The following SGIP1 variants were observed in gnomAD, a reference collection of about 807,000 sequenced individuals.
The protein encoded by SGIP1 is SH3-containing GRB2-like protein 3-interacting protein 1.
A neutral mutation model predicts 107.5 loss-of-function variants in SGIP1; 38 were observed. The ratio of observed to expected loss-of-function variants is 0.35; its 90% CI spans 0.27 to 0.46. The LOEUF (loss-of-function observed/expected upper bound fraction) is 0.46. SGIP1 is among the 20% of genes least tolerant of loss of function. SGIP1 has a pLI of 1.00. For synonymous variants in SGIP1, 365 were observed against 366.1 expected (o/e 1.00, Z 0.03); for missense variants, 929 against 1,019.5 (o/e 0.91, Z 1.21).
At chr1:66,645,574 C>T (rs2077518464) in intron 7 of SGIP1, among the ~76,000 whole-genome samples, 1 of 152,192 alleles carries the variant, frequency 6.6e-6, no homozygotes, top group African/African-American at 2.4e-5. Flanking sequence ...GGACCCTCAG[C>T]TCCCATTCCT....
chr1:66,682,763 T>G (rs1284199072), intron 15 of SGIP1, among the ~76,000 whole-genome samples: 1 of 151,704 alleles, frequency 6.6e-6, no homozygotes, highest in Non-Finnish European at 1.5e-5. Flanking sequence ...CACTAGGTTT[T>G]GTGGGCCAAT....
intron 19 of SGIP1, among the ~76,000 whole-genome samples, chr1:66,726,673 C>G (rs1326992117): frequency 6.6e-6 from 1 of 152,198 alleles, no homozygotes; most frequent in African/African-American, 2.4e-5. Flanking sequence ...GCTGAAACAA[C>G]TGGATATTCA....
intron 18 of SGIP1, among the ~76,000 whole-genome samples, chr1:66,710,507 G>A (rs933487159): frequency 6.6e-6 from 1 of 152,088 alleles, no homozygotes; most frequent in Non-Finnish European, 1.5e-5. Flanking sequence ...GGATTCTGAA[G>A]ACAAGCAGAG....
At chr1:66,701,315 C>T (rs1235419001) in intron 18 of SGIP1, among the ~76,000 whole-genome samples, 1 of 152,100 alleles carries the variant, frequency 6.6e-6, no homozygotes, top group Non-Finnish European at 1.5e-5. Context: ...TAGCACTTAC[C>T]CCACTGAAGG....
chr1:66,584,712 A>G (rs945836194), intron 1 of SGIP1, among the ~76,000 whole-genome samples: 2 of 152,182 alleles, frequency 1.3e-5, no homozygotes, highest in Admixed American at 1.3e-4. Flanking sequence ...ACTATGTTTA[A>G]TTAACAGAGA....
intron 1 of SGIP1, among the ~76,000 whole-genome samples, chr1:66,534,591 T>C (rs1247379581): frequency 6.6e-6 from 1 of 152,180 alleles, no homozygotes; most frequent in Non-Finnish European, 1.5e-5. Context: ...TCCCAGCTCC[T>C]TTGAGAGAGA....
chr1:66,739,400 A>C lies in SGIP1; in HGVS notation c.2097A>C (p.Ser699=), dbSNP rs764832312. ...CAGTGAATTGGCGATGTGAGCCTTC[A>C]AGCACTGACCTGCGCATAGATTACA... ...NLAVNWRCEP[S]STDLRIDYKY... The change falls in exon 22 of 25, where the codon TCA becomes TCC. Residue 699 remains serine, a synonymous_variant. Coordinates refer to ENST00000371037, the MANE Select transcript of SGIP1 (RefSeq NM_032291.4). 1.9e-6 allele frequency: 3 copies of C among 1,612,488 alleles called. No individual in the cohort carries two copies. The Admixed American group carries it at 5.0e-5, about 27-fold the overall frequency.
At chr1:66,549,935 G>A (rs1466583009) in intron 1 of SGIP1, among the ~76,000 whole-genome samples, 1 of 152,050 alleles carries the variant, frequency 6.6e-6, no homozygotes, top group African/African-American at 2.4e-5. Flanking sequence ...CATCACAACT[G>A]CCCTGTTGCT....
At chr1:66,542,296 A>G (rs1464905159) in intron 1 of SGIP1, among the ~76,000 whole-genome samples, 2 of 152,184 alleles carry the variant, frequency 1.3e-5, no homozygotes, top group African/African-American at 4.8e-5. Flanking sequence ...AACGAATAAT[A>G]AAATTTAGAA....
chr1:66,748,551 C>G lies in SGIP1; in HGVS notation c.*5456C>G, dbSNP rs2094583945. Reference sequence around the variant, plus strand: ...TTGACCATGGGTATAATAATTTATTCTCTAGGTTTAACTTCTAAAATTATT... The same window carrying G: ...TTGACCATGGGTATAATAATTTATTGTCTAGGTTTAACTTCTAAAATTATT... On this transcript the variant is annotated 3_prime_UTR_variant, in exon 25 of 25. Coordinates refer to ENST00000371037, the MANE Select transcript of SGIP1 (RefSeq NM_032291.4). Among the ~76,000 whole-genome samples, 1 of 151,906 alleles carries G rather than the reference C, an allele frequency of 6.6e-6. No individual in the cohort carries two copies. Among genetic ancestry groups the G allele is most frequent in the Non-Finnish European group, 1.5e-5 (1 of 67,834 alleles).
At position 66,681,816 on chromosome 1, in the gene SGIP1, C is replaced by T. The variant is rs1291425524; in HGVS notation, c.815-53C>T. 3.9e-6 allele frequency: 6 copies of T among 1,550,040 alleles called. No homozygotes were observed. In the East Asian group the frequency reaches 1.4e-4, roughly 35 times the overall value. The stretch of plus-strand genomic sequence containing the variant: ...CAGTCTTTGCCTCCCTCCCTCACTC[C>T]CCACACAAATAATAAGTCAATTAAA... On this transcript the variant is annotated intron_variant, in intron 14 of 24. Coordinates refer to ENST00000371037, the MANE Select transcript of SGIP1 (RefSeq NM_032291.4).
chr1:66,667,049 G>T (rs1205528947), intron 8 of SGIP1: 1 of 153,076 alleles, frequency 6.5e-6, no homozygotes, highest in African/African-American at 2.4e-5. Context: ...AGGAAAAGGG[G>T]TCTCTAAATC....
intron 1 of SGIP1, among the ~76,000 whole-genome samples, chr1:66,619,094 C>T (rs1207599252): frequency 6.6e-6 from 1 of 152,168 alleles, no homozygotes; most frequent in East Asian, 1.9e-4. Context: ...CAACTTACCT[C>T]CTCTTCTTAA....
intron 15 of SGIP1, among the ~76,000 whole-genome samples, chr1:66,687,507 G>A (rs1262424643): frequency 6.6e-6 from 1 of 152,074 alleles, no homozygotes; most frequent in Non-Finnish European, 1.5e-5. Context: ...AGAGAGATGT[G>A]CAAGCCAAGC....
chr1:66,660,974 G>T (rs989535332), intron 8 of SGIP1, among the ~76,000 whole-genome samples: 3 of 152,096 alleles, frequency 2.0e-5, no homozygotes. Flanking sequence ...AAGCTGGGGG[G>T]TTTTATTTTG....
chr1:66,598,015 A>G (rs1246330221), intron 1 of SGIP1, among the ~76,000 whole-genome samples: 1 of 152,142 alleles, frequency 6.6e-6, no homozygotes, highest in Non-Finnish European at 1.5e-5. Flanking sequence ...ACAACTGGCC[A>G]GCATGGAGAA....
At chr1:66,616,527 G>C (rs769582204) in intron 1 of SGIP1, among the ~76,000 whole-genome samples, 1 of 152,152 alleles carries the variant, frequency 6.6e-6, no homozygotes, top group Non-Finnish European at 1.5e-5. Flanking sequence ...ACTCAGAGAA[G>C]TCAATAAACT....
At chr1:66,643,269 C>T (rs886245361) in intron 6 of SGIP1, among the ~76,000 whole-genome samples, 1 of 152,154 alleles carries the variant, frequency 6.6e-6, no homozygotes, top group East Asian at 1.9e-4. Context: ...CTCACATGTG[C>T]TTGTCTGTGT....
In SGIP1 at chr1:66,667,557, A is replaced by G. The variant is rs1320196038; in HGVS notation, c.483+16A>G. ...GCGCAGCCCGGTAAGAACTCTCAACATTTTTACCTTAAACATGTATAGAGA... is the reference window on the plus strand; with the variant it reads ...GCGCAGCCCGGTAAGAACTCTCAACGTTTTTACCTTAAACATGTATAGAGA... On this transcript the variant is annotated intron_variant, in intron 9 of 24. Coordinates refer to ENST00000371037, the MANE Select transcript of SGIP1 (RefSeq NM_032291.4). The G allele has an allele frequency of 6.2e-7, 1 of 1,613,324 alleles. No individual in the cohort carries two copies. The highest frequency in any genetic ancestry group is 1.3e-5 in the African/African-American group (1 of 74,918).
Sources: allele counts gnomAD v4.1 joint callset (sites outside exome capture counted in the v4.1 genomes callset), GRCh38; gene constraint gnomAD v4.1.1; transcripts MANE v1.5; gene names NCBI Gene and HGNC (gene_info 2026-07-23, HGNC 2026-07-21).